Variants in SPAG9 observed in about 807,000 individuals in gnomAD.
SPAG9 encodes sperm associated antigen 9.
SPAG9 carries 35 observed loss-of-function variants against 166.5 expected under a neutral mutation model. The observed-to-expected ratio is 0.21, with a 90% CI of 0.16 to 0.28. The LOEUF (loss-of-function observed/expected upper bound fraction) is 0.28, where lower values mean the gene tolerates loss of function less well. SPAG9 is among the 10% of genes least tolerant of loss of function. The pLI, the probability that SPAG9 is intolerant of heterozygous loss-of-function variation, is 1.00. For missense variants in SPAG9, 1,235 were observed against 1,603.3 expected, an observed-to-expected ratio of 0.77 and a Z score of 3.92; for synonymous variants, 534 against 565.5, an observed-to-expected ratio of 0.94 and a Z score of 0.79.
chr17:51,053,875 A>G (rs1350393435), intron 3 of SPAG9, among the ~76,000 whole-genome samples: 1 of 103,522 alleles, frequency 9.7e-6, no homozygotes, highest in Non-Finnish European at 1.8e-5. Context: ...ATATATATAT[A>G]TATATATATA....
At chr17:51,077,864 TG>T (rs1229339659) in intron 2 of SPAG9, among the ~76,000 whole-genome samples, 2 of 151,994 alleles carry the variant, frequency 1.3e-5, no homozygotes, top group Non-Finnish European at 2.9e-5. Flanking sequence ...TTGCCCAGGC[TG>T]GTCTCGAAAC....
intron 1 of SPAG9, among the ~76,000 whole-genome samples, chr17:51,109,225 ATTTC>A (rs2049035956): frequency 6.6e-6 from 1 of 151,188 alleles, no homozygotes; most frequent in Non-Finnish European, 1.5e-5. Context: ...TCACATTTAA[ATTTC>A]TTTTTCTTTT....
At position 51,073,209 on chromosome 17, in the gene SPAG9, T is replaced by A. The variant is rs1426347840; in HGVS notation, c.424+6375A>T. Among the ~76,000 whole-genome samples, 9 of 152,002 alleles carry A rather than the reference T, an allele frequency of 5.9e-5. No homozygotes were observed. The South Asian group carries it at 1.5e-3, about 25-fold the overall frequency. On this transcript the variant is annotated intron_variant, in intron 2 of 29. Transcript: ENST00000262013. ...CGGGCGTGGTGGTGGGCGCCTGTAG[T>A]CCCAGCTACTCGGGAGGCTGAGGCA...
At chr17:51,032,610 A>G (rs1458423898) in intron 5 of SPAG9, among the ~76,000 whole-genome samples, 1 of 152,176 alleles carries the variant, frequency 6.6e-6, no homozygotes, top group Admixed American at 6.5e-5. Context: ...GTCTTTTTGA[A>G]AGGCTGCTAG....
chr17:50,998,475 T>C lies in SPAG9; in HGVS notation c.1807A>G (p.Lys603Glu). The change falls in exon 15 of 30, where the codon AAG (lysine) becomes GAG (glutamate). Residue 603 changes from lysine to glutamate, a missense_variant. By Grantham distance (56) the Lys-to-Glu change is moderately conservative. Coordinates refer to ENST00000262013, the MANE Select transcript of SPAG9 (RefSeq NM_001130528.3). ...SSTLSQLPGD[K>E]SKAFDFLSEE... is the part of the protein sequence containing the mutation. ...CTAAGGAAATCAAAGGCTTTGGACT[T>C]ATCCCCAGGGAGCTGAGATAAGGTG... is the stretch of plus-strand genomic sequence containing the variant. 6.2e-7 allele frequency: 1 copy of C among 1,614,176 alleles called. No individual in the cohort carries two copies. Among genetic ancestry groups the C allele is most frequent in the Non-Finnish European group, 8.5e-7 (1 of 1,180,014 alleles).
At chr17:51,053,951 A>C (rs1475903831) in intron 3 of SPAG9, among the ~76,000 whole-genome samples, 1 of 141,962 alleles carries the variant, frequency 7.0e-6, no homozygotes, top group African/African-American at 2.6e-5. Flanking sequence ...ACTTAAGCAA[A>C]CAGTACATAG....
intron 2 of SPAG9, among the ~76,000 whole-genome samples, chr17:51,064,832 T>A (rs2047615753): frequency 6.6e-6 from 1 of 152,106 alleles, no homozygotes. Flanking sequence ...TTCAAAATGG[T>A]GAATTTTGGC....
intron 1 of SPAG9, among the ~76,000 whole-genome samples, chr17:51,100,628 C>CA (rs926953822): frequency 1.7e-4 from 25 of 149,668 alleles, no homozygotes; most frequent in African/African-American, 4.4e-4. Flanking sequence ...ACCCTGCCTT[C>CA]AAAAAAAAAT....
chr17:51,049,314 C>T (rs1321890297), intron 3 of SPAG9, among the ~76,000 whole-genome samples: 1 of 151,280 alleles, frequency 6.6e-6, no homozygotes, highest in Non-Finnish European at 1.5e-5. Context: ...CTGCTGTGAG[C>T]TATGATCATG....
chr17:50,990,383 C>G, intron 20 of SPAG9, 67 bp downstream of exon 20: 1 of 1,160,668 alleles, frequency 8.6e-7, no homozygotes, highest in South Asian at 1.3e-5. Flanking sequence ...TAAATTAAGT[C>G]CATAATGAGG....
chr17:51,025,765 G>A (rs117753930), intron 6 of SPAG9, among the ~76,000 whole-genome samples: 3,584 of 152,060 alleles, frequency 0.024, 61 homozygotes, highest in Non-Finnish European at 0.038. Context: ...GGTGGTGCAC[G>A]CCTGTAGTTC....
intron 1 of SPAG9, among the ~76,000 whole-genome samples, chr17:51,105,593 G>A (rs932523569): frequency 7.2e-5 from 11 of 151,844 alleles, no homozygotes; most frequent in Admixed American, 2.0e-4. Flanking sequence ...AAGCTTGGCC[G>A]GGCGCAGTGG....
intron 2 of SPAG9, among the ~76,000 whole-genome samples, chr17:51,071,399 A>G (rs371693117): frequency 6.6e-6 from 1 of 152,278 alleles, no homozygotes; most frequent in Non-Finnish European, 1.5e-5. Context: ...ATTCCACACA[A>G]TATCGATTAC....
At chr17:51,072,830 G>C (rs2047860555) in intron 2 of SPAG9, among the ~76,000 whole-genome samples, 1 of 151,982 alleles carries the variant, frequency 6.6e-6, no homozygotes, top group Non-Finnish European at 1.5e-5. Flanking sequence ...TCCCAATCTT[G>C]GTTTTCCAAT....
rs1467799884 is a variant in SPAG9, at chr17:50,965,187, A to G, written c.*1085T>C. 6.6e-6 allele frequency: 1 copy of G among 152,228 alleles called. No homozygotes were observed. The highest frequency in any genetic ancestry group is 1.5e-5 in the Non-Finnish European group (1 of 68,094). The allele number at this position is 152,228 out of a possible 1,614,324, so 9.4% of individuals were successfully genotyped here. ...TTTGAGGATAACCCTTCAAGCTCAAAAGGGCACAAAAGCTAAAACGTTATT... is the reference window on the plus strand; with the variant it reads ...TTTGAGGATAACCCTTCAAGCTCAAGAGGGCACAAAAGCTAAAACGTTATT... On this transcript the variant is annotated 3_prime_UTR_variant, in exon 30 of 30. Coordinates refer to ENST00000262013, the MANE Select transcript of SPAG9 (RefSeq NM_001130528.3).
intron 19 of SPAG9, among the ~76,000 whole-genome samples, chr17:50,993,115 G>T (rs930455981): frequency 3.1e-5 from 3 of 95,506 alleles, no homozygotes; most frequent in Non-Finnish European, 4.3e-5. Flanking sequence ...AAAAAAAAAA[G>T]ACTAGCCTGA....
chr17:51,091,650 C>CT (rs71355706), intron 1 of SPAG9, among the ~76,000 whole-genome samples: 3 of 151,642 alleles, frequency 2.0e-5, no homozygotes, highest in South Asian at 2.1e-4. Context: ...CACATACCCA[C>CT]TTTTTTTTAA....
At chr17:50,975,115 C>T (rs1974119426) in intron 27 of SPAG9, 168 bp from the exon 28 acceptor site, 2 of 582,034 alleles carry the variant, frequency 3.4e-6, no homozygotes, top group African/African-American at 3.9e-5. Flanking sequence ...AGAGATACAG[C>T]ATGCTAGTTA....
intron 6 of SPAG9, 101 bp from the exon 7 acceptor site, chr17:51,021,466 T>C: frequency 9.6e-7 from 1 of 1,038,868 alleles, no homozygotes; most frequent in South Asian, 1.8e-5. Flanking sequence ...AAGTTCTATT[T>C]TTTTTTCCAA....
Sources: gnomAD v4.1 joint callset for allele counts (sites outside exome capture counted in the v4.1 genomes callset) on GRCh38, gnomAD v4.1.1 for gene constraint, MANE v1.5 for transcripts, NCBI Gene and HGNC (gene_info 2026-07-23, HGNC 2026-07-21) for gene names.